TBC1D4: variants seen among roughly 807,000 people sequenced by gnomAD.
TBC1D4 encodes TBC1 domain family member 4, also known as TBC (Tre-2, BUB2, CDC16) domain-containing protein.
A neutral mutation model predicts 142.5 loss-of-function variants in TBC1D4; 121 were observed. That is an observed-to-expected ratio of 0.85 (90% CI 0.73 to 0.99). The LOEUF is 0.99. TBC1D4 is among the 50% of genes least tolerant of loss of function. TBC1D4 has a pLI of 0.00. For missense variants in TBC1D4, 1,475 were observed against 1,606.6 expected, an observed-to-expected ratio of 0.92 and a Z score of 1.40; for synonymous variants, 630 against 628.2, an observed-to-expected ratio of 1.00 and a Z score of -0.04.
chr13:75,463,704 T>A (rs1272488767), intron 1 of TBC1D4, among the ~76,000 whole-genome samples: 2 of 152,206 alleles, frequency 1.3e-5, no homozygotes, highest in East Asian at 1.9e-4. Context: ...GTCTGAGGTA[T>A]CTTAGGTCAG....
intron 1 of TBC1D4, among the ~76,000 whole-genome samples, chr13:75,479,177 C>T (rs1186566668): frequency 2.6e-5 from 4 of 152,170 alleles, no homozygotes; most frequent in Non-Finnish European, 5.9e-5. Context: ...TTTGTAACCA[C>T]CGATTAATGG....
Position 75,414,061 on chromosome 13 carries a change from A to G in TBC1D4, c.499-51454T>C, listed in dbSNP as rs116473100. On this transcript the variant is annotated intron_variant, in intron 1 of 20. Transcript: ENST00000377636. ...TGTACAGTGATCAAGCAATCCCATT[A>G]GCAATTAGAAGTATTTTGTCCCTTT... 5.7e-4 allele frequency among the ~76,000 whole-genome samples: 87 copies of G among 152,310 alleles called. 1 individual carries two copies. Among genetic ancestry groups the G allele is most frequent in the African/African-American group, 2.0e-3 (82 of 41,572 alleles).
intron 1 of TBC1D4, among the ~76,000 whole-genome samples, chr13:75,446,159 A>T (rs1887275102): frequency 6.6e-6 from 1 of 152,220 alleles, no homozygotes; most frequent in Non-Finnish European, 1.5e-5. Context: ...CACCACAGTG[A>T]AAATGAGAAG....
intron 4 of TBC1D4, among the ~76,000 whole-genome samples, chr13:75,354,228 T>C (rs1197627129): frequency 6.6e-6 from 1 of 152,226 alleles, no homozygotes; most frequent in Non-Finnish European, 1.5e-5. Flanking sequence ...CACTGTGTGC[T>C]ACACAATATA....
At chr13:75,382,218 C>T (rs1357005271) in intron 1 of TBC1D4, among the ~76,000 whole-genome samples, 1 of 152,208 alleles carries the variant, frequency 6.6e-6, no homozygotes, top group African/African-American at 2.4e-5. Context: ...TGCAGCCTCT[C>T]ATTCCTCTTA....
At chr13:75,345,880 C>G (rs1157835013) in intron 5 of TBC1D4, among the ~76,000 whole-genome samples, 1 of 152,152 alleles carries the variant, frequency 6.6e-6, no homozygotes, top group Admixed American at 6.5e-5. Context: ...AGACTGCCTA[C>G]TTTTATGAGA....
chr13:75,333,918 T>C, intron 8 of TBC1D4, among the ~76,000 whole-genome samples: 1 of 152,192 alleles, frequency 6.6e-6, no homozygotes, highest in Non-Finnish European at 1.5e-5. Context: ...CTTGATTAGA[T>C]TCAAGCACTG....
chr13:75,456,302 G>A (rs1887732219), intron 1 of TBC1D4, among the ~76,000 whole-genome samples: 1 of 152,122 alleles, frequency 6.6e-6, no homozygotes, highest in East Asian at 1.9e-4. Context: ...GGATACAAAA[G>A]CACTAATATA....
chr13:75,392,583 C>T (rs538250322), intron 1 of TBC1D4, among the ~76,000 whole-genome samples: 3 of 151,736 alleles, frequency 2.0e-5, no homozygotes, highest in Non-Finnish European at 2.9e-5. Context: ...TTACTCTTTC[C>T]GTTCTTCCTC....
chr13:75,398,370 AG>A (rs1205185215), intron 1 of TBC1D4, among the ~76,000 whole-genome samples: 10 of 152,196 alleles, frequency 6.6e-5, no homozygotes, highest in Admixed American at 6.5e-4. Context: ...TGGAGCCTGA[AG>A]GGCCTCGAGG....
intron 7 of TBC1D4, among the ~76,000 whole-genome samples, chr13:75,338,254 C>G (rs1880390205): frequency 6.6e-6 from 1 of 150,378 alleles, no homozygotes. Flanking sequence ...GTTACAGATG[C>G]AAGAAAGGCC....
intron 17 of TBC1D4, among the ~76,000 whole-genome samples, chr13:75,296,694 G>C (rs556536545): frequency 6.6e-6 from 1 of 152,138 alleles, no homozygotes; most frequent in South Asian, 2.1e-4. Flanking sequence ...CACAGAGAGA[G>C]ATAAGGGTAG....
chr13:75,299,423 G>A lies in TBC1D4; in HGVS notation c.3063C>T (p.His1021=). ...TTTCAAAGGCTTGCTCTTCACTCAT[G>A]TGCAGAAGCAGGACTCCAGCCACAA... ...ISFVAGVLLL[H]MSEEQAFEML... The change falls in exon 17 of 21, where the codon CAC becomes CAT. Residue 1021 remains histidine, a synonymous_variant. Coordinates refer to ENST00000377636, the MANE Select transcript of TBC1D4 (RefSeq NM_014832.5). 1 of 1,614,096 alleles carries A rather than the reference G, an allele frequency of 6.2e-7. No individual in the cohort carries two copies. The highest frequency in any genetic ancestry group is 1.1e-5 in the South Asian group (1 of 91,086).
At chr13:75,376,288 C>G (rs1883500443) in intron 1 of TBC1D4, among the ~76,000 whole-genome samples, 1 of 152,126 alleles carries the variant, frequency 6.6e-6, no homozygotes. Flanking sequence ...CAAAGCACAT[C>G]TGATGGTAAT....
intron 1 of TBC1D4, among the ~76,000 whole-genome samples, chr13:75,437,109 T>G (rs1465168876): frequency 6.6e-6 from 1 of 152,174 alleles, no homozygotes; most frequent in African/African-American, 2.4e-5. Flanking sequence ...TAAGAGAGAC[T>G]TAAACATAAA....
intron 5 of TBC1D4, among the ~76,000 whole-genome samples, chr13:75,343,402 C>G (rs1017500311): frequency 1.3e-5 from 2 of 152,218 alleles, no homozygotes; most frequent in Admixed American, 6.5e-5. Flanking sequence ...CTCCACTCCA[C>G]ATTTCTTTGT....
chr13:75,341,788 AACAGCCCCCAGTAGTG>A (rs1183117658), intron 5 of TBC1D4, among the ~76,000 whole-genome samples: 3 of 152,206 alleles, frequency 2.0e-5, no homozygotes, highest in Non-Finnish European at 4.4e-5. Flanking sequence ...CACCAAAATC[AACAGCCCCCAGTAGTG>A]ATCTTGGCAT....
At chr13:75,366,850 G>T in intron 1 of TBC1D4, 2 of 723,702 alleles carry the variant, frequency 2.8e-6, no homozygotes, top group Non-Finnish European at 3.4e-6. Flanking sequence ...AAACACTGAT[G>T]TTCAAAGACC....
chr13:75,310,354 C>T (rs1215446853), intron 13 of TBC1D4, among the ~76,000 whole-genome samples: 1 of 152,296 alleles, frequency 6.6e-6, no homozygotes, highest in Non-Finnish European at 1.5e-5. Context: ...CATGATGAAA[C>T]AGAAGCATAG....
Sources: allele counts gnomAD v4.1 joint callset (sites outside exome capture counted in the v4.1 genomes callset), GRCh38; gene constraint gnomAD v4.1.1; transcripts MANE v1.5; gene names NCBI Gene and HGNC (gene_info 2026-07-23, HGNC 2026-07-21).